The following RAP1GAP2 variants were observed in gnomAD, a reference collection of about 807,000 sequenced individuals.
RAP1GAP2 encodes RAP1 GTPase activating protein 2, also known as rap1 GTPase-activating protein 2.
In RAP1GAP2, 27 loss-of-function variants were observed where a neutral mutation model predicts 95.0. The ratio of observed to expected loss-of-function variants is 0.28; its 90% CI spans 0.21 to 0.39. The LOEUF is 0.39. RAP1GAP2 is among the 10% of genes least tolerant of loss of function. The pLI, the probability that RAP1GAP2 is intolerant of heterozygous loss-of-function variation, is 1.00. For synonymous variants in RAP1GAP2, 373 were observed against 380.9 expected (o/e 0.98, Z 0.24); for missense variants, 771 against 970.0 (o/e 0.79, Z 2.72).
At chr17:2,959,050 G>C (rs2044218028) in intron 4 of RAP1GAP2, among the ~76,000 whole-genome samples, 1 of 152,176 alleles carries the variant, frequency 6.6e-6, no homozygotes, top group East Asian at 1.9e-4. Flanking sequence ...ATATAATCAA[G>C]TGCTCCATTG....
chr17:2,944,182 A>AAAAAAAAC (rs1567806274), intron 3 of RAP1GAP2, among the ~76,000 whole-genome samples: 1 of 147,988 alleles, frequency 6.8e-6, no homozygotes, highest in Admixed American at 6.8e-5. Context: ...AAAAAAAAAA[A>AAAAAAAAC]ACCAAACCAC....
intron 2 of RAP1GAP2, among the ~76,000 whole-genome samples, chr17:2,899,001 C>T (rs1005328701): frequency 7.0e-6 from 1 of 143,720 alleles, no homozygotes; most frequent in Non-Finnish European, 1.5e-5. Flanking sequence ...GGCAACCTCT[C>T]ATCACCGTTC....
chr17:2,774,692 A>G (rs1290073024), upstream of RAP1GAP2, among the ~76,000 whole-genome samples: 1 of 151,660 alleles, frequency 6.6e-6, no homozygotes, highest in Non-Finnish European at 1.5e-5. Context: ...GCTGGTCTCG[A>G]ATTCCTGACC....
intron 1 of RAP1GAP2, among the ~76,000 whole-genome samples, chr17:2,777,622 T>C (rs2068533462): frequency 6.6e-6 from 1 of 152,216 alleles, no homozygotes; most frequent in Admixed American, 6.5e-5. Context: ...TGTCTGGACC[T>C]GGGAGCTGGC....
At position 2,867,098 on chromosome 17, in the gene RAP1GAP2, AC is replaced by A. The variant is rs111769302; in HGVS notation, c.81-38184del. ...GTATTTGTAGTAGAGACGGGGTTTC[AC>A]CATGTTGGCCAGGCTGGTCTCGAAC... On this transcript the variant is annotated intron_variant, in intron 2 of 24. Coordinates refer to ENST00000254695, the MANE Select transcript of RAP1GAP2 (RefSeq NM_015085.5). The surrounding 1 kb of genome is among the most constrained non-coding windows in gnomAD (Gnocchi z 4.5). 1.6e-3 allele frequency among the ~76,000 whole-genome samples: 245 copies of A among 150,952 alleles called. 2 individuals carry two copies. Among genetic ancestry groups the A allele is most frequent in the African/African-American group, 5.6e-3 (229 of 40,960 alleles).
chr17:2,876,876 G>T (rs2073118296), intron 2 of RAP1GAP2, among the ~76,000 whole-genome samples: 1 of 149,692 alleles, frequency 6.7e-6, no homozygotes, highest in African/African-American at 2.5e-5. Flanking sequence ...TGTTATTTTT[G>T]GTTTACGTTC....
chr17:2,955,819 T>C (rs2044085885), intron 3 of RAP1GAP2, among the ~76,000 whole-genome samples: 1 of 152,242 alleles, frequency 6.6e-6, no homozygotes, highest in Non-Finnish European at 1.5e-5. Flanking sequence ...TATTGACCTA[T>C]AGTTTATAGT....
chr17:2,957,917 A>G (rs564389937), intron 4 of RAP1GAP2, 123 bp downstream of exon 4: 13 of 1,059,054 alleles, frequency 1.2e-5, no homozygotes, highest in Middle Eastern at 4.5e-4. Flanking sequence ...AGAAGAGACA[A>G]TTGCATCCCC....
At chr17:2,987,037 A>C (rs2045580720) in intron 11 of RAP1GAP2, among the ~76,000 whole-genome samples, 1 of 152,206 alleles carries the variant, frequency 6.6e-6, no homozygotes, top group South Asian at 2.1e-4. Context: ...TGGGCCTTGG[A>C]GTCTCTGTGA....
chr17:3,001,969 T>C (rs1359476461), intron 14 of RAP1GAP2, among the ~76,000 whole-genome samples: 2 of 67,930 alleles, frequency 2.9e-5, no homozygotes. Flanking sequence ...CTTCTTCTCC[T>C]TTTTTTTTTT....
At chr17:2,944,302 C>CA (rs1310128690) in intron 3 of RAP1GAP2, among the ~76,000 whole-genome samples, 1 of 151,776 alleles carries the variant, frequency 6.6e-6, no homozygotes, top group African/African-American at 2.4e-5. Context: ...GGAGATTGCT[C>CA]AAAAAATTAA....
chr17:2,908,283 G>A (rs2151737875), intron 3 of RAP1GAP2, among the ~76,000 whole-genome samples: 1 of 152,262 alleles, frequency 6.6e-6, no homozygotes, highest in East Asian at 1.9e-4. Flanking sequence ...GGAGAGGCTG[G>A]GCATGCAGGC....
At chr17:2,769,442 C>A (rs1272993603) in intron 1 of RAP1GAP2, among the ~76,000 whole-genome samples, 1 of 150,942 alleles carries the variant, frequency 6.6e-6, no homozygotes, top group East Asian at 2.0e-4. Context: ...GTAGTCCCAG[C>A]TACTCGGGAG....
At chr17:2,925,877 G>A (rs1301935702) in intron 3 of RAP1GAP2, among the ~76,000 whole-genome samples, 1 of 152,164 alleles carries the variant, frequency 6.6e-6, no homozygotes, top group Non-Finnish European at 1.5e-5. Context: ...GGTGGCTCAT[G>A]CCTGTAATCC....
rs965538535 is a variant in RAP1GAP2 at position 2,902,056 on chromosome 17, C to T, written c.81-3228C>T. ...AAATCAAGGTGTCAGCAGGGCGACG[C>T]TCCCTCTGCAGGCTCTAGGGAAGAA... On this transcript the variant is annotated intron_variant, in intron 2 of 24. Transcript: ENST00000254695. The surrounding 1 kb of genome is among the most constrained non-coding windows in gnomAD (Gnocchi z 4.1). Among the ~76,000 whole-genome samples the T allele has an allele frequency of 9.9e-5, 15 of 152,226 alleles. No homozygotes were observed. The highest frequency in any genetic ancestry group is 8.5e-4 in the Admixed American group (13 of 15,282).
chr17:2,756,842 A>C (rs2071157731), intron 1 of RAP1GAP2, among the ~76,000 whole-genome samples: 1 of 152,204 alleles, frequency 6.6e-6, no homozygotes, highest in South Asian at 2.1e-4. Flanking sequence ...GCCGAGGGTC[A>C]GAGAGGGAAA....
chr17:2,779,738 GC>G (rs1367556060), intron 1 of RAP1GAP2, among the ~76,000 whole-genome samples: 2 of 147,856 alleles, frequency 1.4e-5, no homozygotes, highest in African/African-American at 2.5e-5. Context: ...TTGGGAGCTG[GC>G]ATACGGTCAT....
chr17:2,878,136 T>C (rs1335821199), intron 2 of RAP1GAP2, among the ~76,000 whole-genome samples: 1 of 152,042 alleles, frequency 6.6e-6, no homozygotes, highest in African/African-American at 2.4e-5. Context: ...GAGTCTGCTT[T>C]TGGGTGACAT....
At chr17:2,907,659 G>T (rs902387451) in intron 3 of RAP1GAP2, among the ~76,000 whole-genome samples, 1 of 152,140 alleles carries the variant, frequency 6.6e-6, no homozygotes, top group African/African-American at 2.4e-5. Context: ...ATAGGTGCTA[G>T]TTAGGCTAAG....
Sources: allele counts gnomAD v4.1 joint callset (sites outside exome capture counted in the v4.1 genomes callset), GRCh38; gene constraint gnomAD v4.1.1; non-coding constraint Gnocchi (gnomAD v3.1); transcripts MANE v1.5; gene names NCBI Gene and HGNC (gene_info 2026-07-23, HGNC 2026-07-21).